The following EXOC2 variants were observed in gnomAD, a reference collection of about 807,000 sequenced individuals.
The protein encoded by EXOC2 is exocyst complex component 2.
In EXOC2, 70 loss-of-function variants were observed where a neutral mutation model predicts 131.8. The ratio of observed to expected loss-of-function variants is 0.53; its 90% CI spans 0.44 to 0.65. The LOEUF is 0.65. Ranked by LOEUF, EXOC2 falls within the 30% of genes least tolerant of loss-of-function variation. The probability of loss-of-function intolerance (pLI) is 0.00; values close to 1 mark genes in which losing one functional copy is unlikely to be tolerated. For synonymous variants in EXOC2, 411 were observed against 398.4 expected, an observed-to-expected ratio of 1.03 and a Z score of -0.38; for missense variants, 923 against 1,108.6, an observed-to-expected ratio of 0.83 and a Z score of 2.38.
chr6:656,862 T>C, intron 1 of EXOC2: 1 of 1,608,590 alleles, frequency 6.2e-7, no homozygotes, highest in Non-Finnish European at 8.5e-7. Flanking sequence ...CACGCAGACC[T>C]TCGCTAGCCT....
intron 1 of EXOC2, among the ~76,000 whole-genome samples, chr6:682,649 T>C (rs1057090158): frequency 3.3e-5 from 5 of 152,302 alleles, no homozygotes; most frequent in Admixed American, 6.5e-5. Flanking sequence ...ATTATGCATA[T>C]ATTATGTCAT....
At chr6:607,205 AC>A (rs1195718258) in intron 7 of EXOC2, among the ~76,000 whole-genome samples, 1 of 152,194 alleles carries the variant, frequency 6.6e-6, no homozygotes, top group Non-Finnish European at 1.5e-5. Context: ...AACCGTGATG[AC>A]TGAAACCTGC....
chr6:516,555 A>G (rs1420980445), intron 23 of EXOC2, among the ~76,000 whole-genome samples: 3 of 152,242 alleles, frequency 2.0e-5, no homozygotes, highest in Non-Finnish European at 4.4e-5. Context: ...AGGTTTTCCA[A>G]TGCCCCACGA....
At chr6:594,548 A>T (rs1759710749) in intron 10 of EXOC2, among the ~76,000 whole-genome samples, 2 of 152,234 alleles carry the variant, frequency 1.3e-5, no homozygotes. Flanking sequence ...AGGAGTGTAG[A>T]CAGTTCCGTA....
intron 11 of EXOC2, among the ~76,000 whole-genome samples, chr6:579,556 C>A (rs1391207040): frequency 1.3e-5 from 2 of 152,308 alleles, no homozygotes; most frequent in East Asian, 3.9e-4. Flanking sequence ...CACAGCTGCA[C>A]ACAAATGCAT....
At chr6:491,016 A>T (rs1763398045) in intron 26 of EXOC2, 109 bp downstream of exon 26, 11 of 1,141,292 alleles carry the variant, frequency 9.6e-6, no homozygotes, top group Non-Finnish European at 1.4e-5. Flanking sequence ...TCACATCACA[A>T]ATTCATGAGC....
At chr6:655,856 AAG>A in intron 1 of EXOC2, 1 of 340,124 alleles carries the variant, frequency 2.9e-6, no homozygotes, top group Non-Finnish European at 5.4e-6. Flanking sequence ...CCCCGAAAAA[AAG>A]AGTTGAAGAA....
intron 1 of EXOC2, among the ~76,000 whole-genome samples, chr6:649,329 C>T (rs944975899): frequency 2.0e-5 from 3 of 152,164 alleles, no homozygotes; most frequent in African/African-American, 7.2e-5. Context: ...TAATAATATA[C>T]AAAGTACTAA....
intron 17 of EXOC2, among the ~76,000 whole-genome samples, chr6:562,110 A>G (rs918308271): frequency 6.6e-6 from 1 of 152,176 alleles, no homozygotes; most frequent in African/African-American, 2.4e-5. Context: ...GTCACAGGGA[A>G]GAAGGATGGA....
intron 17 of EXOC2, among the ~76,000 whole-genome samples, chr6:557,401 C>T (rs1021996856): frequency 1.3e-5 from 2 of 152,054 alleles, no homozygotes; most frequent in Non-Finnish European, 2.9e-5. Context: ...GGGCGGATCA[C>T]GAGGTCAAGA....
chr6:635,678 A>C (rs1299427882), intron 2 of EXOC2, among the ~76,000 whole-genome samples: 1 of 152,112 alleles, frequency 6.6e-6, no homozygotes, highest in Non-Finnish European at 1.5e-5. Flanking sequence ...AAAACACTTA[A>C]ATTATTTAGC....
chr6:592,643 T>G, intron 10 of EXOC2, 56 bp from the exon 11 acceptor site: 3 of 1,372,602 alleles, frequency 2.2e-6, no homozygotes, highest in Non-Finnish European at 3.1e-6. Flanking sequence ...TATTTTAAAA[T>G]CATTACTTTT....
At chr6:634,069 TTC>T (rs1761983819) in intron 2 of EXOC2, among the ~76,000 whole-genome samples, 1 of 70,262 alleles carries the variant, frequency 1.4e-5, no homozygotes, top group Admixed American at 1.4e-4. Flanking sequence ...ACTTGACGTT[TTC>T]TTTTTTTTTT....
chr6:625,386 G>C (rs971308016), intron 4 of EXOC2, among the ~76,000 whole-genome samples: 2 of 152,242 alleles, frequency 1.3e-5, no homozygotes, highest in Admixed American at 1.3e-4. Context: ...GAAGACGGAG[G>C]GGGGAGGCCA....
chr6:664,477 C>T (rs1302506311), intron 1 of EXOC2, among the ~76,000 whole-genome samples: 1 of 152,152 alleles, frequency 6.6e-6, no homozygotes, highest in Admixed American at 6.5e-5. Flanking sequence ...GCCCGCATAG[C>T]CAAAGCAAGA....
intron 11 of EXOC2, among the ~76,000 whole-genome samples, chr6:588,554 T>C (rs768343202): frequency 1.3e-5 from 2 of 152,124 alleles, no homozygotes; most frequent in African/African-American, 2.4e-5. Context: ...AGGGTTTCAC[T>C]ATGTTGGCCA....
rs1414288784 is a variant in EXOC2, at chr6:581,309, AAAAG to A, written c.1193-4431_1193-4428del. Among the ~76,000 whole-genome samples the A allele has an allele frequency of 5.3e-5, 8 of 152,166 alleles. 1 individual carries two copies. Among genetic ancestry groups the A allele is most frequent in the Non-Finnish European group, 1.2e-4 (8 of 68,034 alleles). On this transcript the variant is annotated intron_variant, in intron 11 of 27. Coordinates refer to ENST00000230449, the MANE Select transcript of EXOC2 (RefSeq NM_018303.6). Reference sequence around the variant, plus strand: ...AGACTCTGTCTCAAAAAAAAAAAAAAAAAGTAACAGTGAAAACTGTATCAGAATT... The same window carrying A: ...AGACTCTGTCTCAAAAAAAAAAAAAATAACAGTGAAAACTGTATCAGAATT...
intron 23 of EXOC2, among the ~76,000 whole-genome samples, chr6:529,183 G>A (rs1007581346): frequency 1.3e-5 from 2 of 151,916 alleles, no homozygotes; most frequent in Non-Finnish European, 2.9e-5. Context: ...TCGTGATAAT[G>A]GCCAGCAGCC....
intron 1 of EXOC2, among the ~76,000 whole-genome samples, chr6:663,589 A>G (rs545775429): frequency 6.6e-6 from 1 of 152,350 alleles, no homozygotes; most frequent in Admixed American, 6.5e-5. Context: ...ATAATCCACC[A>G]TGATCAAGGG....
Sources: allele counts gnomAD v4.1 joint callset (sites outside exome capture counted in the v4.1 genomes callset), GRCh38; gene constraint gnomAD v4.1.1; transcripts MANE v1.5; gene names NCBI Gene and HGNC (gene_info 2026-07-23, HGNC 2026-07-21).